Variants in STPG2 observed in about 807,000 individuals in gnomAD.
STPG2 encodes sperm-tail PG-rich repeat-containing protein 2.
A neutral mutation model predicts 54.2 loss-of-function variants in STPG2; 56 were observed. That is an observed-to-expected ratio of 1.03 (90% CI 0.83 to 1.29). The LOEUF is 1.29. STPG2 is among the 50% of genes most tolerant of loss of function. STPG2 has a pLI of 0.00. For missense variants in STPG2, 596 were observed against 544.9 expected (o/e 1.09, Z -0.93); for synonymous variants, 200 against 181.8 (o/e 1.10, Z -0.81).
At chr4:97,789,004 C>CT (rs758227257) in intron 9 of STPG2, among the ~76,000 whole-genome samples, 116 of 151,432 alleles carry the variant, frequency 7.7e-4, no homozygotes, top group Non-Finnish European at 1.4e-3. Flanking sequence ...GGGTTTCAAA[C>CT]TTTTTTTTTC....
At chr4:98,059,123 G>C (rs1332670389) in intron 5 of STPG2, among the ~76,000 whole-genome samples, 1 of 151,824 alleles carries the variant, frequency 6.6e-6, no homozygotes, top group Non-Finnish European at 1.5e-5. Flanking sequence ...AAAAAATAGA[G>C]AGGATCCAAA....
In STPG2 at chr4:97,838,944, G is replaced by T. The variant is rs115637858; in HGVS notation, c.1204+1829C>A. On this transcript the variant is annotated intron_variant, in intron 9 of 10. Transcript: ENST00000295268. The stretch of plus-strand genomic sequence containing the variant: ...ATGGGCCACTTTAAGATGCACGATA[G>T]CAAACTTCATGAATTACTGGTATTA... 4.0e-3 allele frequency among the ~76,000 whole-genome samples: 605 copies of T among 151,558 alleles called. 4 individuals carry two copies. Among genetic ancestry groups the T allele is most frequent in the African/African-American group, 0.014 (578 of 41,490 alleles).
At chr4:97,928,824 T>C (rs1014431845) in intron 8 of STPG2, among the ~76,000 whole-genome samples, 13 of 152,160 alleles carry the variant, frequency 8.5e-5, no homozygotes, top group African/African-American at 2.4e-4. Context: ...TTATATTCTG[T>C]CTTATAATTA....
chr4:97,991,430 A>T (rs1359306127), intron 5 of STPG2, among the ~76,000 whole-genome samples: 3 of 141,428 alleles, frequency 2.1e-5, no homozygotes, highest in African/African-American at 5.4e-5. Context: ...AATACTACTC[A>T]GTGTGTGTGT....
chr4:97,964,528 A>G (rs1301288761), intron 7 of STPG2, among the ~76,000 whole-genome samples: 1 of 152,222 alleles, frequency 6.6e-6, no homozygotes, highest in Non-Finnish European at 1.5e-5. Flanking sequence ...ACTTACATAG[A>G]AAACCCTCAG....
intron 10 of STPG2, among the ~76,000 whole-genome samples, chr4:97,635,440 C>T (rs1472475505): frequency 2.0e-5 from 3 of 152,232 alleles, no homozygotes; most frequent in East Asian, 1.9e-4. Context: ...AACTAACGAG[C>T]AAAATAACCA....
intron 5 of STPG2, among the ~76,000 whole-genome samples, chr4:97,988,861 G>A (rs991718547): frequency 3.3e-5 from 5 of 152,126 alleles, no homozygotes; most frequent in South Asian, 4.1e-4. Context: ...CGATCTGCCC[G>A]CCTTGGCCTC....
intron 1 of STPG2, among the ~76,000 whole-genome samples, chr4:98,138,078 T>G (rs1740181708): frequency 6.6e-6 from 1 of 152,022 alleles, no homozygotes; most frequent in African/African-American, 2.4e-5. Context: ...ATCCATTCTG[T>G]AATAGTGAAT....
intron 5 of STPG2, among the ~76,000 whole-genome samples, chr4:98,043,580 A>G (rs2149308784): frequency 1.3e-5 from 2 of 152,018 alleles, no homozygotes; most frequent in South Asian, 4.2e-4. Flanking sequence ...GCATCCAAGT[A>G]CTCTTCAATT....
Position 97,899,118 on chromosome 4 carries a change from C to T in STPG2, c.1044+44779G>A, listed in dbSNP as rs545189518. Among the ~76,000 whole-genome samples the T allele has an allele frequency of 5.3e-5, 8 of 151,806 alleles. No individual in the cohort carries two copies. In the South Asian group the frequency reaches 6.2e-4, roughly 12 times the overall value. On this transcript the variant is annotated intron_variant, in intron 8 of 10. Transcript: ENST00000295268. ...CTCCTTCAGCTAATAAACAACTACA[C>T]CAAACTTTCAGGATATGAAATCAAT...
chr4:98,092,313 T>C (rs1738717207), intron 5 of STPG2, among the ~76,000 whole-genome samples: 3 of 152,076 alleles, frequency 2.0e-5, no homozygotes, highest in South Asian at 2.1e-4. Context: ...GAATTTGAGA[T>C]ACAGTAACTG....
intron 4 of STPG2, among the ~76,000 whole-genome samples, chr4:97,537,330 C>A (rs938039307): frequency 1.3e-5 from 2 of 152,178 alleles, no homozygotes; most frequent in Non-Finnish European, 2.9e-5. Context: ...CCTGGAAAAT[C>A]AGATCACTCC....
chr4:97,778,715 T>A (rs1726480373), intron 9 of STPG2, among the ~76,000 whole-genome samples: 2 of 152,102 alleles, frequency 1.3e-5, no homozygotes, highest in African/African-American at 4.8e-5. Flanking sequence ...CACGGCTGGG[T>A]ACTACTCTGA....
At chr4:97,738,392 C>T (rs1373546835) in intron 9 of STPG2, among the ~76,000 whole-genome samples, 1 of 152,120 alleles carries the variant, frequency 6.6e-6, no homozygotes, top group Non-Finnish European at 1.5e-5. Context: ...GGACTAAATG[C>T]TCCCATTAAA....
intron 10 of STPG2, among the ~76,000 whole-genome samples, chr4:97,593,859 C>T (rs1057346648): frequency 6.6e-6 from 1 of 151,214 alleles, no homozygotes; most frequent in Non-Finnish European, 1.5e-5. Context: ...AGGTAACCGC[C>T]CCCCAAGATT....
intron 5 of STPG2, among the ~76,000 whole-genome samples, chr4:98,024,695 TA>T (rs1442886499): frequency 1.3e-5 from 2 of 152,196 alleles, no homozygotes; most frequent in Non-Finnish European, 2.9e-5. Flanking sequence ...ATGCCACTGA[TA>T]TTATATAACA....
intron 5 of STPG2, among the ~76,000 whole-genome samples, chr4:98,028,675 C>A (rs1736503457): frequency 6.6e-6 from 1 of 152,138 alleles, no homozygotes; most frequent in Non-Finnish European, 1.5e-5. Context: ...TTGTGGAGAA[C>A]AGAGCTACAG....
chr4:98,140,855 C>T (rs955498762), intron 1 of STPG2, among the ~76,000 whole-genome samples: 1 of 152,092 alleles, frequency 6.6e-6, no homozygotes, highest in African/African-American at 2.4e-5. Flanking sequence ...AAGTGATTGG[C>T]AGTGTTGAAA....
At chr4:97,816,701 C>A (rs1727921905) in intron 9 of STPG2, among the ~76,000 whole-genome samples, 1 of 150,832 alleles carries the variant, frequency 6.6e-6, no homozygotes, top group African/African-American at 2.4e-5. Flanking sequence ...ATCTATCTTC[C>A]TTTCCTTCCT....
Sources: gnomAD v4.1 joint callset for allele counts (sites outside exome capture counted in the v4.1 genomes callset) on GRCh38, gnomAD v4.1.1 for gene constraint, MANE v1.5 for transcripts, NCBI Gene and HGNC (gene_info 2026-07-23, HGNC 2026-07-21) for gene names.